Variants in WDR19 observed in about 807,000 individuals in gnomAD.
WDR19 encodes WD repeat-containing protein 19.
In WDR19, 121 loss-of-function variants were observed where a neutral mutation model predicts 180.0. The observed-to-expected ratio is 0.67, with a 90% confidence interval of 0.58 to 0.78. WDR19 has a LOEUF of 0.78. Among genes scored for constraint, WDR19 ranks in the 30% least tolerant of loss-of-function variants. The pLI, the probability that WDR19 is intolerant of heterozygous loss-of-function variation, is 0.00. For synonymous variants in WDR19, 497 were observed against 540.7 expected, an observed-to-expected ratio of 0.92 and a Z score of 1.12; for missense variants, 1,450 against 1,640.7, an observed-to-expected ratio of 0.88 and a Z score of 2.01.
intron 6 of WDR19, among the ~76,000 whole-genome samples, chr4:39,201,721 A>C (rs548683082): frequency 2.6e-5 from 4 of 152,150 alleles, no homozygotes; most frequent in African/African-American, 9.7e-5. Context: ...ACCAATAGAT[A>C]GTGGATTTTT....
intron 14 of WDR19, 54 bp downstream of exon 14, chr4:39,218,159 G>T: frequency 6.4e-7 from 1 of 1,553,976 alleles, no homozygotes; most frequent in Admixed American, 1.9e-5. Flanking sequence ...TTTTTATTTT[G>T]TGATCTCAGT....
intron 9 of WDR19, among the ~76,000 whole-genome samples, chr4:39,209,800 A>T (rs1728312133): frequency 6.6e-6 from 1 of 152,140 alleles, no homozygotes; most frequent in Non-Finnish European, 1.5e-5. Context: ...TGACAAAAAT[A>T]AGAGAATAGA....
At chr4:39,226,413 T>C (rs1248154689) in intron 15 of WDR19, among the ~76,000 whole-genome samples, 2 of 152,202 alleles carry the variant, frequency 1.3e-5, no homozygotes, top group African/African-American at 4.8e-5. Context: ...GAAAAGTAAA[T>C]AGGATGATGC....
At chr4:39,264,561 C>T (rs1734599874) in intron 28 of WDR19, among the ~76,000 whole-genome samples, 1 of 152,208 alleles carries the variant, frequency 6.6e-6, no homozygotes. Context: ...GACTTGTCCT[C>T]ATACCTCCCC....
At position 39,217,997 on chromosome 4, in the gene WDR19, CT is replaced by C; in HGVS notation, c.1373del (p.Leu458TrpfsTer26). The stretch of plus-strand genomic sequence containing the variant: ...TTACGTTTTAGATAGAAAGCGAAAT[CT>C]TGGATGCTCAAGAAGAACGTGAGAC... ...VQLHLIESEI[L>X]DAQEERETRL... is the part of the protein sequence containing the mutation. On this transcript the variant is annotated frameshift_variant, in exon 14 of 37. Transcript: ENST00000399820. LOFTEE classifies it high-confidence loss of function. The C allele has an allele frequency of 6.2e-7, 1 of 1,613,640 alleles. No homozygotes were observed.
In WDR19 at chr4:39,260,182, T is replaced by C. The variant is rs1734146820; in HGVS notation, c.3183+2628T>C. On this transcript the variant is annotated intron_variant, in intron 28 of 36. Coordinates refer to ENST00000399820, the MANE Select transcript of WDR19 (RefSeq NM_025132.4). ...TGACATTTTGATTTAGCTAATTACATCCTTGTGGTATAATTTCCCTGTATT... is the reference window on the plus strand; with the variant it reads ...TGACATTTTGATTTAGCTAATTACACCCTTGTGGTATAATTTCCCTGTATT... Among the ~76,000 whole-genome samples the C allele has an allele frequency of 1.3e-5, 2 of 152,290 alleles. 1 individual carries two copies. The highest frequency in any genetic ancestry group is 4.1e-4 in the South Asian group (2 of 4,826).
chr4:39,232,391 A>G (rs1351870895), intron 19 of WDR19, 119 bp downstream of exon 19: 2 of 773,758 alleles, frequency 2.6e-6, no homozygotes, highest in Non-Finnish European at 4.2e-6. Flanking sequence ...TTGGGAGGCC[A>G]AGGTGGATGG....
chr4:39,251,701 A>G (rs1436578573), intron 24 of WDR19, among the ~76,000 whole-genome samples: 1 of 152,188 alleles, frequency 6.6e-6, no homozygotes, highest in African/African-American at 2.4e-5. Context: ...GGTGAAGGAT[A>G]TAAACAGACA....
At chr4:39,279,393 ACCCTCAGCC>A (rs1736233011) in intron 36 of WDR19, among the ~76,000 whole-genome samples, 1 of 152,144 alleles carries the variant, frequency 6.6e-6, no homozygotes, top group Non-Finnish European at 1.5e-5. Flanking sequence ...GATACCTCTC[ACCCTCAGCC>A]CCCATGAGCA....
chr4:39,267,512 A>G (rs535356210), intron 29 of WDR19, among the ~76,000 whole-genome samples: 10 of 152,372 alleles, frequency 6.6e-5, no homozygotes, highest in African/African-American at 1.9e-4. Flanking sequence ...GGAATGGAAA[A>G]TGGCCAAAGG....
rs190192706 is a variant in WDR19 at position 39,228,355 on chromosome 4, A to T, written c.1775A>T (p.Gln592Leu). 6 of 1,608,884 alleles carry T rather than the reference A, an allele frequency of 3.7e-6. No homozygotes were observed. The highest frequency in any genetic ancestry group is 4.3e-6 in the Non-Finnish European group (5 of 1,176,012). The change falls in exon 16 of 37, where the codon CAA becomes CTA. Residue 592 changes from glutamine (Q) to leucine (L), a missense_variant and splice_region_variant. Physicochemically the swap from Gln to Leu is moderately radical, Grantham distance 113 (BLOSUM62 -2). Coordinates refer to ENST00000399820, the MANE Select transcript of WDR19 (RefSeq NM_025132.4). The part of the protein sequence containing the change: ...YTYVFHKDTI[Q>L]GAKVILAGST... ...TATGTCTTTCACAAGGACACTATAC[A>T]AGGTACTAAACCCCTTTTGTGTATA...
At chr4:39,278,718 G>T (rs1410453822) in intron 36 of WDR19, 55 bp downstream of exon 36, 23 of 1,072,210 alleles carry the variant, frequency 2.1e-5, no homozygotes, top group Non-Finnish European at 3.0e-5. Context: ...CAGCGTGCAC[G>T]CAGCTTTTCA....
At chr4:39,284,611 G>A (rs1265317646) in intron 36 of WDR19, among the ~76,000 whole-genome samples, 3 of 143,974 alleles carry the variant, frequency 2.1e-5, no homozygotes, top group Middle Eastern at 3.9e-3. Flanking sequence ...AGAAGTGTTG[G>A]GATTACAGCT....
chr4:39,188,606 C>T (rs1401330821), intron 3 of WDR19, among the ~76,000 whole-genome samples: 2 of 134,572 alleles, frequency 1.5e-5, no homozygotes, highest in African/African-American at 2.9e-5. Context: ...GCGGCAGAGC[C>T]AGACCTTGTC....
At chr4:39,279,143 C>A (rs1172046560) in intron 36 of WDR19, among the ~76,000 whole-genome samples, 1 of 152,154 alleles carries the variant, frequency 6.6e-6, no homozygotes, top group Admixed American at 6.5e-5. Flanking sequence ...ACACATACTG[C>A]GGAGGAAGGC....
At position 39,189,681 on chromosome 4, in the gene WDR19, A is replaced by T; in HGVS notation, c.190A>T (p.Lys64Ter). 1 of 1,605,078 alleles carries T rather than the reference A, an allele frequency of 6.2e-7. No individual in the cohort carries two copies. The highest frequency in any genetic ancestry group is 8.5e-7 in the Non-Finnish European group (1 of 1,176,588). The change falls in exon 4 of 37, where the codon AAA becomes TAA. Residue 64 changes from lysine (K) to a stop codon, truncating the protein, a stop_gained. Transcript: ENST00000399820. LOFTEE classifies it high-confidence loss of function. Reference sequence around the variant, plus strand: ...TAACTGTGTTGCCATGGATTGGGATAAAGATGGAGATGTCCTAGCAGTGAT... The same window carrying T: ...TAACTGTGTTGCCATGGATTGGGATTAAGATGGAGATGTCCTAGCAGTGAT... The part of the protein sequence containing the change: ...PGNCVAMDWD[K>*]DGDVLAVIAE...
chr4:39,274,133 C>T (rs1406600173), intron 32 of WDR19: 2 of 152,206 alleles, frequency 1.3e-5, no homozygotes, highest in African/African-American at 4.8e-5. Flanking sequence ...TTTTTTCAAC[C>T]ATTTAAAAAT....
intron 24 of WDR19, among the ~76,000 whole-genome samples, chr4:39,251,762 C>A (rs907735196): frequency 7.2e-4 from 109 of 152,230 alleles, no homozygotes; most frequent in African/African-American, 2.5e-3. Flanking sequence ...AAAAAATGCT[C>A]ATCATCACTG....
Position 39,189,748 on chromosome 4 carries a change from C to A in WDR19, c.257C>A (p.Thr86Lys), listed in dbSNP as rs764071755. 4.0e-5 allele frequency: 65 copies of A among 1,610,466 alleles called. No homozygotes were observed. The highest frequency in any genetic ancestry group is 5.3e-5 in the Non-Finnish European group (62 of 1,178,854). ...TGCATTTATCTTTGGGATGCCAACA[C>A]AAATAAGACCAGCCAGTTAGACAAT... ...SSCIYLWDAN[T>K]NKTSQLDNGM... Residue 86 changes from threonine to lysine, a missense_variant, in exon 4 of 37, where the codon ACA (threonine) becomes AAA (lysine). Coordinates refer to ENST00000399820, the MANE Select transcript of WDR19 (RefSeq NM_025132.4).
Sources: allele counts gnomAD v4.1 joint callset (sites outside exome capture counted in the v4.1 genomes callset), GRCh38; gene constraint gnomAD v4.1.1; transcripts MANE v1.5; gene names NCBI Gene and HGNC (gene_info 2026-07-23, HGNC 2026-07-21).